DNAH6: variants seen among roughly 807,000 people sequenced by gnomAD.
DNAH6 encodes the protein axonemal beta dynein heavy chain 6.
A neutral mutation model predicts 491.4 loss-of-function variants in DNAH6; 340 were observed. The ratio of observed to expected loss-of-function variants is 0.69; its 90% CI spans 0.63 to 0.76. The LOEUF is 0.76. Ranked by LOEUF, DNAH6 falls within the 30% of genes least tolerant of loss-of-function variation. The pLI, the probability that DNAH6 is intolerant of heterozygous loss-of-function variation, is 0.00. For missense variants in DNAH6, 4,443 were observed against 4,972.2 expected, an observed-to-expected ratio of 0.89 and a Z score of 3.20; for synonymous variants, 1,603 against 1,686.1, an observed-to-expected ratio of 0.95 and a Z score of 1.21.
chr2:84,614,498 G>T (rs1199963584), intron 22 of DNAH6, among the ~76,000 whole-genome samples: 1 of 152,122 alleles, frequency 6.6e-6, no homozygotes, highest in Non-Finnish European at 1.5e-5. Flanking sequence ...TAAACTACGT[G>T]TGCAAGAATC....
chr2:84,745,614 C>T (rs1399060208), intron 63 of DNAH6, among the ~76,000 whole-genome samples: 2 of 148,004 alleles, frequency 1.4e-5, no homozygotes, highest in Admixed American at 6.8e-5. Context: ...TGCAGTGAGC[C>T]GAGATCGCGC....
the DNAH6 span, among the ~76,000 whole-genome samples, chr2:84,478,561 A>G: frequency 6.6e-6 from 1 of 152,148 alleles, no homozygotes; most frequent in African/African-American, 2.4e-5. Context: ...TCCAGAAGAA[A>G]TGGATTCCAA....
intron 71 of DNAH6, among the ~76,000 whole-genome samples, chr2:84,807,574 C>T (rs537077280): frequency 7.5e-4 from 114 of 152,274 alleles, no homozygotes; most frequent in African/African-American, 2.6e-3. Flanking sequence ...CTATGCAGTG[C>T]AGGTGAGCAG....
At chr2:84,808,106 G>A (rs559467491) in intron 71 of DNAH6, among the ~76,000 whole-genome samples, 2 of 149,414 alleles carry the variant, frequency 1.3e-5, no homozygotes, top group East Asian at 3.9e-4. Context: ...ATGGTTTAAT[G>A]TTTGAGAAAA....
At chr2:84,654,004 T>C (rs1690709208) in intron 34 of DNAH6, 130 bp downstream of exon 34, 3 of 726,454 alleles carry the variant, frequency 4.1e-6, no homozygotes, top group Non-Finnish European at 2.1e-6. Context: ...TACTTACTTA[T>C]TAAGTCATCC....
intron 37 of DNAH6, among the ~76,000 whole-genome samples, chr2:84,665,338 T>C (rs1332399707): frequency 2.6e-5 from 4 of 151,150 alleles, no homozygotes; most frequent in Non-Finnish European, 5.9e-5. Flanking sequence ...ATCAACAAAA[T>C]TGATAGACCA....
At chr2:84,488,385 T>TAAAAAAA in the DNAH6 span, among the ~76,000 whole-genome samples, 3 of 82,618 alleles carry the variant, frequency 3.6e-5, no homozygotes, top group South Asian at 7.5e-4. Flanking sequence ...ATAAAAAAAA[T>TAAAAAAA]TAAAAAATAA....
chr2:84,495,729 G>A, the DNAH6 span, among the ~76,000 whole-genome samples: 8 of 152,122 alleles, frequency 5.3e-5, no homozygotes, highest in Non-Finnish European at 1.2e-4. Flanking sequence ...ATTTGACCAC[G>A]AGGTGGTGAT....
At chr2:84,468,163 A>T in the DNAH6 span, among the ~76,000 whole-genome samples, 13 of 152,202 alleles carry the variant, frequency 8.5e-5, no homozygotes, top group African/African-American at 3.1e-4. Flanking sequence ...GTTAGTTTTT[A>T]TTTAACTTTC....
chr2:84,776,473 G>C lies in DNAH6; in HGVS notation c.10704-5020G>C, dbSNP rs1382619377. On this transcript the variant is annotated intron_variant, in intron 64 of 76. Coordinates refer to ENST00000389394, the MANE Select transcript of DNAH6 (RefSeq NM_001370.2). ...TTAAAATATAACTGCTTTGATCACA[G>C]ATCAGATAAAAAGGACAACATGCAC... Among the ~76,000 whole-genome samples, 10 of 152,298 alleles carry C rather than the reference G, an allele frequency of 6.6e-5. No individual in the cohort carries two copies. The East Asian group carries it at 1.3e-3, about 21-fold the overall frequency.
chr2:84,685,594 A>G (rs2104752606), intron 43 of DNAH6, 122 bp downstream of exon 43: 5 of 482,352 alleles, frequency 1.0e-5, no homozygotes, highest in Non-Finnish European at 1.8e-5. Flanking sequence ...ATTTTCTTTG[A>G]TGGTTCAAAT....
In DNAH6 at chr2:84,685,368, A is replaced by G; in HGVS notation, c.6959A>G (p.Gln2320Arg). The part of the protein sequence containing the change: ...CDPGTIREEI[Q>R]IFRLFCHECQ... Reference sequence around the variant, plus strand: ...CCAGGAACAATAAGAGAAGAAATTCAGATATTTAGACTCTTTTGCCATGAG... The same window carrying G: ...CCAGGAACAATAAGAGAAGAAATTCGGATATTTAGACTCTTTTGCCATGAG... Residue 2320 changes from glutamine (Q) to arginine (R), a missense_variant, in exon 43 of 77, where the codon CAG (glutamine) becomes CGG (arginine). Gln to Arg is a conservative substitution (Grantham distance 43, BLOSUM62 1). This residue lies in a region of DNAH6 where 2,977 missense variants were observed against 3,296.6 expected (regional missense o/e 0.90). Coordinates refer to ENST00000389394, the MANE Select transcript of DNAH6 (RefSeq NM_001370.2). 1 of 1,524,018 alleles carries G rather than the reference A, an allele frequency of 6.6e-7. No individual in the cohort carries two copies. Among genetic ancestry groups the G allele is most frequent in the Non-Finnish European group, 8.8e-7 (1 of 1,130,136 alleles). The allele number at this position is 1,524,018 out of a possible 1,614,324, so 94.4% of individuals were successfully genotyped here.
chr2:84,805,579 T>C (rs1043872718), intron 70 of DNAH6, 86 bp from the exon 71 acceptor site: 2 of 1,271,462 alleles, frequency 1.6e-6, no homozygotes, highest in South Asian at 3.4e-5. Context: ...AGAACTGCCT[T>C]TACTTTTGTA....
chr2:84,682,175 A>G (rs915060884), intron 42 of DNAH6, among the ~76,000 whole-genome samples: 4 of 152,180 alleles, frequency 2.6e-5, no homozygotes, highest in East Asian at 1.9e-4. Context: ...ACTGTGCTCA[A>G]CTGCTCTACC....
chr2:84,686,487 AACATT>A lies in DNAH6; in HGVS notation c.7068_7072del (p.Lys2356AsnfsTer6). The stretch of plus-strand genomic sequence containing the variant: ...CTTGGTTTTGTTCTTTAAATAGACA[AACATT>A]TTGGAATTGCAATTGACCTGGAATA... On this transcript the variant is annotated frameshift_variant, in exon 44 of 77. Coordinates refer to ENST00000389394, the MANE Select transcript of DNAH6 (RefSeq NM_001370.2). LOFTEE classifies it high-confidence loss of function. The A allele has an allele frequency of 6.6e-7, 1 of 1,522,208 alleles. No individual in the cohort carries two copies. The highest frequency in any genetic ancestry group is 1.2e-5 in the South Asian group (1 of 80,892). 94.3% of individuals were successfully genotyped at this position (1,522,208 alleles called of 1,614,324 possible).
intron 28 of DNAH6, 49 bp from the exon 29 acceptor site, chr2:84,624,853 G>T: frequency 6.8e-7 from 1 of 1,475,660 alleles, no homozygotes. Flanking sequence ...GCCTTAATTT[G>T]TGGCCAGAGT....
intron 2 of DNAH6, among the ~76,000 whole-genome samples, chr2:84,523,476 T>G (rs535435059): frequency 3.9e-5 from 6 of 152,242 alleles, no homozygotes; most frequent in African/African-American, 1.4e-4. Context: ...CTGATTTTGG[T>G]TCTTTCTTGT....
intron 18 of DNAH6, among the ~76,000 whole-genome samples, chr2:84,604,121 C>G (rs918948343): frequency 1.3e-5 from 2 of 152,180 alleles, no homozygotes; most frequent in Admixed American, 1.3e-4. Context: ...CGGTATCAAT[C>G]TCTCTCCAAA....
chr2:84,619,691 CT>C lies in DNAH6; in HGVS notation c.3581del (p.Phe1194SerfsTer24). ...AGGATGTTCTTTAATCCAGGTTTTA[CT>C]TCTTGTCAAATGATGAACTTCTGGA... is the stretch of plus-strand genomic sequence containing the variant. ...SKRVIFPRFY[F>X]LSNDELLEIL... On this transcript the variant is annotated frameshift_variant, in exon 24 of 77. Coordinates refer to ENST00000389394, the MANE Select transcript of DNAH6 (RefSeq NM_001370.2). LOFTEE classifies it high-confidence loss of function. 1 of 1,551,116 alleles carries C rather than the reference CT, an allele frequency of 6.4e-7. No homozygotes were observed.
Sources: gnomAD v4.1 joint callset for allele counts (sites outside exome capture counted in the v4.1 genomes callset) on GRCh38, gnomAD v4.1.1 for gene constraint, gnomAD v4.1.1 regional missense constraint, MANE v1.5 for transcripts, NCBI Gene and HGNC (gene_info 2026-07-23, HGNC 2026-07-21) for gene names.